The following WSCD2 variants were observed in gnomAD, a reference collection of about 807,000 sequenced individuals.
WSCD2 encodes WSC domain sialate O sulfotransferase 2, also known as sialate:O-sulfotransferase 2.
A neutral mutation model predicts 55.7 loss-of-function variants in WSCD2; 28 were observed. The ratio of observed to expected loss-of-function variants is 0.50; its 90% CI spans 0.37 to 0.69. The LOEUF is 0.69. Among genes scored for constraint, WSCD2 ranks in the 30% least tolerant of loss-of-function variants. WSCD2 has a pLI of 0.00. For synonymous variants in WSCD2, 301 were observed against 301.9 expected, an observed-to-expected ratio of 1.00 and a Z score of 0.03; for missense variants, 616 against 762.1, an observed-to-expected ratio of 0.81 and a Z score of 2.26.
intron 2 of WSCD2, among the ~76,000 whole-genome samples, chr12:108,200,024 G>A (rs1038969376): frequency 6.6e-6 from 1 of 152,224 alleles, no homozygotes; most frequent in South Asian, 2.1e-4. Context: ...AAGTCACACA[G>A]CTAATCTGGG....
intron 3 of WSCD2, 21 bp downstream of exon 3, chr12:108,206,424 A>C (rs1057088456): frequency 6.2e-7 from 1 of 1,610,384 alleles, no homozygotes; most frequent in East Asian, 2.2e-5. Flanking sequence ...AGCATCCCAG[A>C]CTTGTCCATT....
chr12:108,151,684 G>A lies in WSCD2; in HGVS notation c.-552+21758G>A, dbSNP rs1052151889. On this transcript the variant is annotated intron_variant, in intron 1 of 8. Coordinates refer to ENST00000547525, the MANE Select transcript of WSCD2 (RefSeq NM_014653.4). ...CATGCAGCCCTCCTGGGAATCTCCC[G>A]GAATGCCATGAATATTGATTAACCA... is the stretch of plus-strand genomic sequence containing the variant. Among the ~76,000 whole-genome samples, 5 of 152,092 alleles carry A rather than the reference G, an allele frequency of 3.3e-5. No homozygotes were observed. The South Asian group carries it at 6.2e-4, about 19-fold the overall frequency.
chr12:108,242,661 A>G (rs1889845808), intron 8 of WSCD2, among the ~76,000 whole-genome samples: 1 of 152,196 alleles, frequency 6.6e-6, no homozygotes, highest in African/African-American at 2.4e-5. Context: ...CAGGATGTGC[A>G]GTTTAGTTAC....
intron 1 of WSCD2, among the ~76,000 whole-genome samples, chr12:108,163,866 A>G (rs1837630033): frequency 6.6e-6 from 1 of 152,170 alleles, no homozygotes; most frequent in African/African-American, 2.4e-5. Context: ...TTTTTAAGCT[A>G]GTAAGTTTGT....
intron 1 of WSCD2, among the ~76,000 whole-genome samples, chr12:108,173,810 CTGTGTGTG>C (rs113409001): frequency 2.1e-4 from 27 of 131,232 alleles, no homozygotes; most frequent in African/African-American, 3.4e-4. Flanking sequence ...TCCTGGCTCT[CTGTGTGTG>C]TGTGTGTGTG....
chr12:108,216,702 T>C (rs1886869902), intron 4 of WSCD2, among the ~76,000 whole-genome samples: 1 of 152,226 alleles, frequency 6.6e-6, no homozygotes, highest in African/African-American at 2.4e-5. Context: ...CAATGGAAGC[T>C]TAACCCCACT....
chr12:108,206,018 G>A (rs1425217709), intron 2 of WSCD2, among the ~76,000 whole-genome samples: 1 of 152,188 alleles, frequency 6.6e-6, no homozygotes, highest in Non-Finnish European at 1.5e-5. Flanking sequence ...CTTGGCTTGG[G>A]TTCCTGGATG....
chr12:108,240,678 T>A, intron 8 of WSCD2, 134 bp downstream of exon 8: 1 of 1,054,392 alleles, frequency 9.5e-7, no homozygotes, highest in Non-Finnish European at 1.3e-6. Context: ...GAGGACATCC[T>A]GGAGGGCGCG....
At chr12:108,207,610 A>T (rs1432246621) in intron 3 of WSCD2, among the ~76,000 whole-genome samples, 1 of 130,270 alleles carries the variant, frequency 7.7e-6, no homozygotes, top group Non-Finnish European at 1.5e-5. Context: ...GATGGTCTCG[A>T]TCTCCTGACC....
intron 7 of WSCD2, among the ~76,000 whole-genome samples, chr12:108,234,249 G>C (rs1406711817): frequency 1.3e-5 from 2 of 152,214 alleles, no homozygotes; most frequent in African/African-American, 4.8e-5. Context: ...GGGTACTCTG[G>C]TCTGGGTGCC....
At chr12:108,198,831 A>T (rs879125925) in intron 2 of WSCD2, among the ~76,000 whole-genome samples, 2 of 152,198 alleles carry the variant, frequency 1.3e-5, no homozygotes, top group Admixed American at 1.3e-4. Context: ...ACTACCACTC[A>T]GTAAGTTAGG....
chr12:108,162,274 A>G (rs138594048), intron 1 of WSCD2, among the ~76,000 whole-genome samples: 1 of 152,240 alleles, frequency 6.6e-6, no homozygotes, highest in Non-Finnish European at 1.5e-5. Flanking sequence ...GCAGGCTCAC[A>G]TCTCTCCGGA....
At chr12:108,219,811 C>A (rs1434927182) in intron 4 of WSCD2, among the ~76,000 whole-genome samples, 1 of 152,254 alleles carries the variant, frequency 6.6e-6, no homozygotes, top group Non-Finnish European at 1.5e-5. Flanking sequence ...AAAATACTGT[C>A]TGTAGCAACC....
At chr12:108,147,375 G>A (rs1334166638) in intron 1 of WSCD2, among the ~76,000 whole-genome samples, 1 of 152,176 alleles carries the variant, frequency 6.6e-6, no homozygotes, top group Non-Finnish European at 1.5e-5. Flanking sequence ...TTTGGGTCAG[G>A]GTGGGTGCTA....
chr12:108,239,180 A>G (rs1889507788), intron 7 of WSCD2, among the ~76,000 whole-genome samples: 1 of 152,044 alleles, frequency 6.6e-6, no homozygotes, highest in Non-Finnish European at 1.5e-5. Flanking sequence ...TGCTACCTGC[A>G]TTCTCTCTGC....
chr12:108,196,406 C>T (rs940662217), intron 2 of WSCD2, 192 bp downstream of exon 2: 2 of 949,478 alleles, frequency 2.1e-6, no homozygotes, highest in African/African-American at 1.7e-5. Context: ...GATGAAGCGG[C>T]TTGCCCAAGG....
At chr12:108,204,910 A>G (rs6539417) in intron 2 of WSCD2, among the ~76,000 whole-genome samples, 133,343 of 152,290 alleles carry the variant, frequency 0.88, 58,497 homozygotes, top group Non-Finnish European at 0.9. Context: ...GCCTAGCCAA[A>G]GAAGTGATTA....
intron 2 of WSCD2, 143 bp downstream of exon 2, chr12:108,196,357 C>T (rs1054647163): frequency 2.4e-6 from 3 of 1,263,376 alleles, no homozygotes; most frequent in Non-Finnish European, 3.2e-6. Context: ...CTGCCATTAT[C>T]ATCCCCATTG....
intron 7 of WSCD2, among the ~76,000 whole-genome samples, chr12:108,234,549 G>A (rs1889099553): frequency 6.6e-6 from 1 of 152,216 alleles, no homozygotes; most frequent in African/African-American, 2.4e-5. Context: ...CATGCTGAGG[G>A]TATTACATGC....
Sources: allele counts gnomAD v4.1 joint callset (sites outside exome capture counted in the v4.1 genomes callset), GRCh38; gene constraint gnomAD v4.1.1; transcripts MANE v1.5; gene names NCBI Gene and HGNC (gene_info 2026-07-23, HGNC 2026-07-21).